The following ANKS1B variants were observed in gnomAD, a reference collection of about 807,000 sequenced individuals.
ANKS1B encodes the protein ankyrin repeat and sterile alpha motif domain-containing protein 1B.
Under a neutral mutation model 148.3 loss-of-function variants are expected in ANKS1B, and 36 were observed. That is an observed-to-expected ratio of 0.24 (90% confidence interval 0.19 to 0.32). The LOEUF is 0.32. ANKS1B is among the 10% of genes least tolerant of loss of function. ANKS1B has a pLI of 1.00. For synonymous variants in ANKS1B, 542 were observed against 560.8 expected (o/e 0.97, Z 0.47); for missense variants, 1,157 against 1,542.6 (o/e 0.75, Z 4.19).
chr12:99,827,490 T>C (rs897048104), intron 1 of ANKS1B, among the ~76,000 whole-genome samples: 1 of 152,158 alleles, frequency 6.6e-6, no homozygotes, highest in Non-Finnish European at 1.5e-5. Flanking sequence ...GGTACCAAAA[T>C]TGCACTGTAT....
chr12:98,783,597 G>T lies in ANKS1B; in HGVS notation c.3343-1460C>A, dbSNP rs758507067. Among the ~76,000 whole-genome samples, 38 of 152,292 alleles carry T rather than the reference G, an allele frequency of 2.5e-4. 1 individual carries two copies. Among genetic ancestry groups the T allele is most frequent in the South Asian group, 8.3e-4 (4 of 4,826 alleles). On this transcript the variant is annotated intron_variant, in intron 22 of 26. Coordinates refer to ENST00000683438, the MANE Select transcript of ANKS1B (RefSeq NM_001352186.2). ...AAAAGACAATGACGGCCTATTAGGG[G>T]TGATTGAGCTGACTCTTGATGAATA...
chr12:98,982,828 A>G (rs1220555695), intron 17 of ANKS1B, among the ~76,000 whole-genome samples: 1 of 152,220 alleles, frequency 6.6e-6, no homozygotes, highest in Admixed American at 6.5e-5. Flanking sequence ...TAGGTTTTAT[A>G]CTGCCATGAA....
intron 1 of ANKS1B, among the ~76,000 whole-genome samples, chr12:99,929,452 G>A (rs1244987180): frequency 6.6e-6 from 1 of 152,120 alleles, no homozygotes; most frequent in African/African-American, 2.4e-5. Flanking sequence ...TAGGTTGCCT[G>A]TTCACTCTGA....
chr12:98,915,368 T>TC (rs1223709656), intron 17 of ANKS1B, among the ~76,000 whole-genome samples: 1 of 151,802 alleles, frequency 6.6e-6, no homozygotes, highest in African/African-American at 2.4e-5. Flanking sequence ...AGAATTTTTT[T>TC]TTAGACAGAG....
chr12:99,421,625 G>C (rs1431161115), intron 11 of ANKS1B, among the ~76,000 whole-genome samples: 2 of 152,170 alleles, frequency 1.3e-5, no homozygotes, highest in African/African-American at 4.8e-5. Flanking sequence ...GTGGTGACTT[G>C]TTTACAGGAG....
chr12:99,537,029 C>G (rs2097076945), intron 9 of ANKS1B, among the ~76,000 whole-genome samples: 1 of 152,080 alleles, frequency 6.6e-6, no homozygotes, highest in Admixed American at 6.6e-5. Context: ...TGTGCCTGGC[C>G]AATTTCACTT....
At chr12:99,694,236 C>T (rs1009736520) in intron 8 of ANKS1B, among the ~76,000 whole-genome samples, 1 of 150,376 alleles carries the variant, frequency 6.6e-6, no homozygotes, top group Non-Finnish European at 1.5e-5. Flanking sequence ...GTCAGGAGTT[C>T]GAGACCAGCC....
At chr12:98,918,110 C>T (rs2099796827) in intron 17 of ANKS1B, among the ~76,000 whole-genome samples, 1 of 152,212 alleles carries the variant, frequency 6.6e-6, no homozygotes, top group Non-Finnish European at 1.5e-5. Flanking sequence ...TCAATAGTTC[C>T]TGCATAAGGA....
intron 1 of ANKS1B, among the ~76,000 whole-genome samples, chr12:99,861,454 AAG>A (rs2090001820): frequency 6.6e-6 from 1 of 152,200 alleles, no homozygotes; most frequent in Admixed American, 6.5e-5. Context: ...TCATTTTCTA[AAG>A]AGTCTTGTTA....
chr12:99,829,090 G>A (rs1349162127), intron 1 of ANKS1B, among the ~76,000 whole-genome samples: 2 of 152,138 alleles, frequency 1.3e-5, no homozygotes, highest in African/African-American at 2.4e-5. Flanking sequence ...GTAGGACACC[G>A]ATTTAGCAGT....
intron 16 of ANKS1B, among the ~76,000 whole-genome samples, chr12:99,074,797 T>C (rs1303670553): frequency 1.3e-5 from 2 of 152,220 alleles, no homozygotes; most frequent in African/African-American, 4.8e-5. Flanking sequence ...TGACCTCTAA[T>C]CAGCATTTTT....
At chr12:99,588,495 C>T (rs1157468180) in intron 9 of ANKS1B, among the ~76,000 whole-genome samples, 2 of 151,516 alleles carry the variant, frequency 1.3e-5, no homozygotes, top group Non-Finnish European at 2.9e-5. Flanking sequence ...CGGCTCACTG[C>T]AACTTCCACC....
intron 12 of ANKS1B, among the ~76,000 whole-genome samples, chr12:99,312,849 C>T (rs1301774684): frequency 6.6e-6 from 1 of 152,008 alleles, no homozygotes; most frequent in African/African-American, 2.4e-5. Flanking sequence ...ACCCTAACAT[C>T]ACAATTAAAA....
intron 12 of ANKS1B, among the ~76,000 whole-genome samples, chr12:99,378,427 G>A (rs2093481215): frequency 6.6e-6 from 1 of 151,928 alleles, no homozygotes; most frequent in Admixed American, 6.6e-5. Context: ...AGGACGAGGT[G>A]GGCAGATCAT....
chr12:99,785,371 T>G (rs1403367555), intron 4 of ANKS1B, among the ~76,000 whole-genome samples: 1 of 152,100 alleles, frequency 6.6e-6, no homozygotes, highest in African/African-American at 2.4e-5. Context: ...AGTGGGATTC[T>G]AATCTCAACC....
chr12:98,994,675 G>A (rs1306848175), intron 17 of ANKS1B, among the ~76,000 whole-genome samples: 1 of 152,096 alleles, frequency 6.6e-6, no homozygotes, highest in Admixed American at 6.5e-5. Flanking sequence ...TCAAGGTGTC[G>A]GCAGGGCTGA....
At chr12:99,431,532 G>A (rs2095370141) in intron 11 of ANKS1B, among the ~76,000 whole-genome samples, 1 of 152,194 alleles carries the variant, frequency 6.6e-6, no homozygotes, top group Admixed American at 6.5e-5. Flanking sequence ...GTTTACATGG[G>A]TGGTAGCGAA....
intron 11 of ANKS1B, among the ~76,000 whole-genome samples, chr12:99,424,418 C>T (rs2095188645): frequency 6.7e-6 from 1 of 148,676 alleles, no homozygotes; most frequent in Non-Finnish European, 1.5e-5. Flanking sequence ...TAAGAATTAA[C>T]TCCAGAAATA....
intron 9 of ANKS1B, among the ~76,000 whole-genome samples, chr12:99,519,151 C>T (rs2096851049): frequency 6.6e-6 from 1 of 152,070 alleles, no homozygotes. Flanking sequence ...TATGGCCTAT[C>T]CTTGAGAATG....
Sources: gnomAD v4.1 joint callset for allele counts (sites outside exome capture counted in the v4.1 genomes callset) on GRCh38, gnomAD v4.1.1 for gene constraint, MANE v1.5 for transcripts, NCBI Gene and HGNC (gene_info 2026-07-23, HGNC 2026-07-21) for gene names.